The following NRG1 variants were observed in gnomAD, a reference collection of about 807,000 sequenced individuals.
NRG1 encodes neuregulin 1.
In NRG1, 18 loss-of-function variants were observed where a neutral mutation model predicts 63.8. That is an observed-to-expected ratio of 0.28 (90% CI 0.19 to 0.42). The LOEUF (loss-of-function observed/expected upper bound fraction) is 0.42, where lower values mean the gene tolerates loss of function less well. Ranked by LOEUF, NRG1 falls within the 10% of genes least tolerant of loss-of-function variation. The pLI is 1.00. For synonymous variants in NRG1, 302 were observed against 301.3 expected (o/e 1.00, Z -0.02); for missense variants, 762 against 814.7 (o/e 0.94, Z 0.79).
At chr8:31,924,836 C>G (rs962665708) in intron 1 of NRG1, among the ~76,000 whole-genome samples, 3 of 151,516 alleles carry the variant, frequency 2.0e-5, no homozygotes, top group African/African-American at 7.3e-5. Flanking sequence ...TTCTAGCATT[C>G]ATTGTAATTT....
intron 1 of NRG1, among the ~76,000 whole-genome samples, chr8:31,763,028 G>T (rs1817709086): frequency 6.6e-6 from 1 of 152,112 alleles, no homozygotes; most frequent in Non-Finnish European, 1.5e-5. Flanking sequence ...TTGAAAATCA[G>T]TAGTGCAAGT....
intron 5 of NRG1, among the ~76,000 whole-genome samples, chr8:32,687,688 C>G (rs1243656870): frequency 1.3e-5 from 2 of 152,178 alleles, no homozygotes; most frequent in African/African-American, 4.8e-5. Flanking sequence ...GTCCAAACCA[C>G]AAGCTGTTCT....
intron 1 of NRG1, among the ~76,000 whole-genome samples, chr8:32,127,049 G>T (rs915485414): frequency 6.6e-6 from 1 of 151,874 alleles, no homozygotes; most frequent in Non-Finnish European, 1.5e-5. Flanking sequence ...TCTCCATTTT[G>T]TATTAATGTA....
intron 1 of NRG1, among the ~76,000 whole-genome samples, chr8:32,347,745 G>A (rs145460269): frequency 2.0e-5 from 3 of 152,140 alleles, no homozygotes; most frequent in Admixed American, 1.3e-4. Context: ...TAAATAAATC[G>A]AGAAGGGTTA....
intron 1 of NRG1, among the ~76,000 whole-genome samples, chr8:31,761,524 A>C (rs1413071038): frequency 6.6e-6 from 1 of 152,174 alleles, no homozygotes; most frequent in Middle Eastern, 3.2e-3. Context: ...TTGAAAACTT[A>C]GAGGTTCCTG....
intron 1 of NRG1, among the ~76,000 whole-genome samples, chr8:32,138,569 C>CTT (rs889638823): frequency 1.3e-5 from 2 of 150,628 alleles, no homozygotes; most frequent in Admixed American, 6.6e-5. Flanking sequence ...ACAGCGATTT[C>CTT]TTTTTTTTTG....
chr8:32,252,022 C>T (rs1272437582), intron 1 of NRG1, among the ~76,000 whole-genome samples: 1 of 152,096 alleles, frequency 6.6e-6, no homozygotes, highest in Middle Eastern at 3.2e-3. Context: ...TGCTCATGTC[C>T]TTTGCCCATT....
At chr8:32,302,331 G>T (rs1194361893) in intron 1 of NRG1, among the ~76,000 whole-genome samples, 1 of 152,170 alleles carries the variant, frequency 6.6e-6, no homozygotes, top group Non-Finnish European at 1.5e-5. Context: ...CCAACCTGTT[G>T]TGCCTTAGCC....
intron 1 of NRG1, among the ~76,000 whole-genome samples, chr8:32,221,575 G>T (rs902359359): frequency 6.6e-6 from 1 of 152,296 alleles, no homozygotes; most frequent in South Asian, 2.1e-4. Context: ...CAGCTTTGTT[G>T]TCATATTATC....
At chr8:31,868,089 T>A in intron 1 of NRG1, among the ~76,000 whole-genome samples, 1 of 151,614 alleles carries the variant, frequency 6.6e-6, no homozygotes. Context: ...AACAGCTTTT[T>A]ATGATCCTGA....
At chr8:31,707,290 C>T (rs958237971) in intron 1 of NRG1, among the ~76,000 whole-genome samples, 1 of 151,950 alleles carries the variant, frequency 6.6e-6, no homozygotes, top group Non-Finnish European at 1.5e-5. Context: ...AGATATTACC[C>T]TTATTATACA....
At chr8:31,933,359 C>A (rs1835022939) in intron 1 of NRG1, among the ~76,000 whole-genome samples, 1 of 152,012 alleles carries the variant, frequency 6.6e-6, no homozygotes, top group Non-Finnish European at 1.5e-5. Flanking sequence ...CGGCTCACTG[C>A]AATCTCTGCC....
intron 1 of NRG1, among the ~76,000 whole-genome samples, chr8:32,174,568 A>C (rs1360303140): frequency 2.0e-5 from 3 of 152,214 alleles, no homozygotes; most frequent in Non-Finnish European, 2.9e-5. Context: ...AAATATCAAC[A>C]AAATTGATAG....
At chr8:32,614,618 C>A in intron 4 of NRG1, 54 bp downstream of exon 4, 1 of 1,538,180 alleles carries the variant, frequency 6.5e-7, no homozygotes. Flanking sequence ...ACCATAACTG[C>A]TGGCTGCTCC....
intron 1 of NRG1, among the ~76,000 whole-genome samples, chr8:32,451,143 A>G (rs1820898118): frequency 6.6e-6 from 1 of 152,202 alleles, no homozygotes; most frequent in South Asian, 2.1e-4. Context: ...CAAAAGTGGA[A>G]CATTGTGGGA....
intron 1 of NRG1, among the ~76,000 whole-genome samples, chr8:31,795,331 T>A (rs1821098046): frequency 6.6e-6 from 1 of 152,110 alleles, no homozygotes. Flanking sequence ...CATATTTGTT[T>A]TGTGTGTGTC....
chr8:31,834,304 C>CGT (rs1370848215), intron 1 of NRG1, among the ~76,000 whole-genome samples: 5 of 123,722 alleles, frequency 4.0e-5, no homozygotes, highest in Non-Finnish European at 8.5e-5. Context: ...TGCGCGCACG[C>CGT]GCGCACACAC....
intron 1 of NRG1, among the ~76,000 whole-genome samples, chr8:32,411,566 A>G (rs1300735890): frequency 6.6e-6 from 1 of 152,172 alleles, no homozygotes; most frequent in Non-Finnish European, 1.5e-5. Flanking sequence ...TAATCTCAAA[A>G]TATTGTGTGC....
At chr8:32,558,928 A>G (rs1205857347) in intron 1 of NRG1, among the ~76,000 whole-genome samples, 1 of 151,726 alleles carries the variant, frequency 6.6e-6, no homozygotes, top group African/African-American at 2.4e-5. Flanking sequence ...AAAATCCAAA[A>G]AGTTAGCCGG....
Sources: allele counts gnomAD v4.1 joint callset (sites outside exome capture counted in the v4.1 genomes callset), GRCh38; gene constraint gnomAD v4.1.1; transcripts MANE v1.5; gene names NCBI Gene and HGNC (gene_info 2026-07-23, HGNC 2026-07-21).